The following TMC3 variants were observed in gnomAD, a reference collection of about 807,000 sequenced individuals.
TMC3 encodes the protein transmembrane channel-like protein 3.
Under a neutral mutation model 110.6 loss-of-function variants are expected in TMC3, and 98 were observed. That is an observed-to-expected ratio of 0.89 (90% CI 0.75 to 1.05). TMC3 has a LOEUF of 1.05. Ranked by LOEUF, TMC3 falls within the 50% of genes least tolerant of loss-of-function variation. The pLI is 0.00. For synonymous variants in TMC3, 489 were observed against 513.1 expected, an observed-to-expected ratio of 0.95 and a Z score of 0.63; for missense variants, 1,319 against 1,373.2, an observed-to-expected ratio of 0.96 and a Z score of 0.62.
In TMC3 at chr15:81,332,881, C is replaced by CT; in HGVS notation, c.2840dup (p.Thr948AspfsTer51). ...GTTTGATCCAATCTCTGCTTGGCGT[C>CT]TCCTCCTCTTCTTCACTCAGCTGTG... On this transcript the variant is annotated frameshift_variant, in exon 22 of 22. Coordinates refer to ENST00000359440, the MANE Select transcript of TMC3 (RefSeq NM_001080532.3). LOFTEE classifies it low-confidence loss of function (END_TRUNC). The CT allele has an allele frequency of 6.2e-7, 1 of 1,613,330 alleles. No individual in the cohort carries two copies. Among genetic ancestry groups the CT allele is most frequent in the Admixed American group, 1.7e-5 (1 of 60,008 alleles).
chr15:81,362,564 G>A (rs979763980), intron 3 of TMC3, among the ~76,000 whole-genome samples: 6 of 152,060 alleles, frequency 3.9e-5, no homozygotes, highest in Non-Finnish European at 7.4e-5. Context: ...GACACCACCC[G>A]AGCCGTGATG....
rs563117721 is a variant in TMC3, at chr15:81,345,018, A to G, written c.1273-7T>C. On this transcript the variant is annotated splice_polypyrimidine_tract_variant and splice_region_variant and intron_variant, in intron 12 of 21. Transcript: ENST00000359440. ...TATTTTTGGTAGCCATTTCCTGGGG[A>G]GAGAGAGAGAGAGAGAGAGGGAAGC... 1.6e-3 allele frequency: 1,426 copies of G among 869,628 alleles called. No individual in the cohort carries two copies. The highest frequency in any genetic ancestry group is 1.9e-3 in the Non-Finnish European group (1,250 of 643,022). 53.9% of individuals were successfully genotyped at this position (869,628 alleles called of 1,614,324 possible).
At chr15:81,345,046 G>T in intron 12 of TMC3, 35 bp from the exon 13 acceptor site, 1 of 1,547,462 alleles carries the variant, frequency 6.5e-7, no homozygotes, top group South Asian at 1.2e-5. Flanking sequence ...AGGGAAGCAG[G>T]GGAGAAAGGA....
intron 10 of TMC3, 133 bp from the exon 11 acceptor site, chr15:81,349,700 T>TC: frequency 2.3e-6 from 1 of 441,084 alleles, no homozygotes. Context: ...CCATGGAAAA[T>TC]CCCCCCAAAT....
intron 5 of TMC3, among the ~76,000 whole-genome samples, chr15:81,358,811 A>C (rs947640255): frequency 6.6e-6 from 1 of 152,064 alleles, no homozygotes; most frequent in Middle Eastern, 3.2e-3. Context: ...AATGGATTTT[A>C]TTTCTTTATG....
chr15:81,360,487 A>G (rs1043662881), intron 4 of TMC3, among the ~76,000 whole-genome samples: 1 of 152,174 alleles, frequency 6.6e-6, no homozygotes, highest in Non-Finnish European at 1.5e-5. Flanking sequence ...ACCAGGTTGA[A>G]TAGTTCTATA....
intron 21 of TMC3, 53 bp downstream of exon 21, chr15:81,334,667 C>A (rs1467862658): frequency 4.5e-6 from 7 of 1,569,354 alleles, no homozygotes; most frequent in Non-Finnish European, 6.1e-6. Context: ...GCTGCAGAGG[C>A]CTTCAAATCT....
At chr15:81,362,157 C>T (rs1894200203) in intron 4 of TMC3, 63 bp downstream of exon 4, 1 of 1,432,378 alleles carries the variant, frequency 7.0e-7, no homozygotes, top group South Asian at 1.2e-5. Context: ...GCAGACTCTC[C>T]TTAGGCTGTG....
At position 81,334,891 on chromosome 15, in the gene TMC3, C is replaced by A; in HGVS notation, c.2288G>T (p.Gly763Val). The A allele has an allele frequency of 6.2e-7, 1 of 1,613,984 alleles. No individual in the cohort carries two copies. The highest frequency in any genetic ancestry group is 8.5e-7 in the Non-Finnish European group (1 of 1,179,898). The change falls in exon 21 of 22, where the codon GGC becomes GTC. Residue 763 changes from glycine (G) to valine (V), a missense_variant. By Grantham distance (109) the Gly-to-Val change is moderately radical. Transcript: ENST00000359440. ...CACGTTGCCGTTGTTTTGGGGTGTG[C>A]CCGAGTGCGCTGAGGACAGCTGGCT... is the stretch of plus-strand genomic sequence containing the variant. The part of the protein sequence containing the change: ...LTSQLSSAHS[G>V]TPQNNGNVAH...
chr15:81,357,326 T>C (rs1894086727), intron 7 of TMC3, among the ~76,000 whole-genome samples: 1 of 151,944 alleles, frequency 6.6e-6, no homozygotes. Context: ...CCCCAAGTGC[T>C]TCTATCTGCA....
At chr15:81,337,204 A>C (rs1309625294) in intron 19 of TMC3, among the ~76,000 whole-genome samples, 2 of 152,050 alleles carry the variant, frequency 1.3e-5, no homozygotes, top group African/African-American at 4.8e-5. Flanking sequence ...ACGCTTACAG[A>C]GCCTCCTTAA....
chr15:81,361,390 C>T (rs2141719719), intron 4 of TMC3, among the ~76,000 whole-genome samples: 1 of 152,222 alleles, frequency 6.6e-6, no homozygotes, highest in East Asian at 1.9e-4. Context: ...AAGTGTATTC[C>T]TGTCTGTCCC....
intron 12 of TMC3, among the ~76,000 whole-genome samples, chr15:81,345,559 T>C (rs1023641212): frequency 2.0e-5 from 3 of 152,060 alleles, no homozygotes; most frequent in Non-Finnish European, 4.4e-5. Context: ...GATATCCTTA[T>C]AGGTGGGGCA....
rs1197201104 is a variant in TMC3, at chr15:81,332,162, T to C, written c.*257A>G. The C allele has an allele frequency of 2.4e-6, 1 of 418,520 alleles. No individual in the cohort carries two copies. Among genetic ancestry groups the C allele is most frequent in the Non-Finnish European group, 4.2e-6 (1 of 236,802 alleles). The allele number at this position is 418,520 out of a possible 1,614,324, so 25.9% of individuals were successfully genotyped here. ...TCTTCCGAGGAGGCAAGTATTGAGATTGCTGCAGACCCGTGATGATTCACT... is the reference window on the plus strand; with the variant it reads ...TCTTCCGAGGAGGCAAGTATTGAGACTGCTGCAGACCCGTGATGATTCACT... On this transcript the variant is annotated 3_prime_UTR_variant, in exon 22 of 22. Transcript: ENST00000359440.
intron 17 of TMC3, 39 bp from the exon 18 acceptor site, chr15:81,338,819 C>A: frequency 1.2e-6 from 2 of 1,607,974 alleles, no homozygotes; most frequent in South Asian, 2.2e-5. Context: ...TTTTATTGCT[C>A]TTGGCAGAAA....
At chr15:81,356,379 G>A (rs1894061053) in intron 8 of TMC3, 68 bp downstream of exon 8, 1 of 1,499,382 alleles carries the variant, frequency 6.7e-7, no homozygotes, top group African/African-American at 1.4e-5. Context: ...GCTTCCAGCT[G>A]AGGGCCAGCG....
intron 21 of TMC3, among the ~76,000 whole-genome samples, chr15:81,334,327 C>T (rs1893542754): frequency 6.6e-6 from 1 of 152,184 alleles, no homozygotes; most frequent in Admixed American, 6.5e-5. Context: ...GGATCTACTG[C>T]TTTCTTTGAC....
At chr15:81,356,952 T>C (rs531511818) in intron 7 of TMC3, among the ~76,000 whole-genome samples, 7 of 152,290 alleles carry the variant, frequency 4.6e-5, no homozygotes, top group African/African-American at 1.7e-4. Flanking sequence ...TTTGAATCAG[T>C]CTTCTTGGAG....
chr15:81,348,607 C>T (rs1051639007), intron 11 of TMC3, among the ~76,000 whole-genome samples: 7 of 152,216 alleles, frequency 4.6e-5, no homozygotes, highest in Non-Finnish European at 7.3e-5. Context: ...CACTGACTGT[C>T]CTGGCAAAGC....
Sources: gnomAD v4.1 joint callset for allele counts (sites outside exome capture counted in the v4.1 genomes callset) on GRCh38, gnomAD v4.1.1 for gene constraint, MANE v1.5 for transcripts, NCBI Gene and HGNC (gene_info 2026-07-23, HGNC 2026-07-21) for gene names.